Variants in ZFAND6 observed in about 807,000 individuals in gnomAD.
ZFAND6 encodes the protein AN1-type zinc finger protein 6.
A neutral mutation model predicts 24.5 loss-of-function variants in ZFAND6; 12 were observed. That is an observed-to-expected ratio of 0.49 (90% CI 0.31 to 0.79). ZFAND6 has a LOEUF of 0.79. Among genes scored for constraint, ZFAND6 ranks in the 30% least tolerant of loss-of-function variants. The probability of loss-of-function intolerance (pLI) is 0.04; values close to 1 mark genes in which losing one functional copy is unlikely to be tolerated. For synonymous variants in ZFAND6, 92 were observed against 81.5 expected, an observed-to-expected ratio of 1.13 and a Z score of -0.69; for missense variants, 207 against 245.9, an observed-to-expected ratio of 0.84 and a Z score of 1.06.
chr15:80,103,495 A>G (rs569829083), intron 2 of ZFAND6, among the ~76,000 whole-genome samples: 2 of 152,294 alleles, frequency 1.3e-5, no homozygotes, highest in South Asian at 4.1e-4. Flanking sequence ...AGCGGCCTAG[A>G]TATGCTCTGA....
intron 1 of ZFAND6, among the ~76,000 whole-genome samples, chr15:80,065,561 T>G (rs1249245803): frequency 1.1e-5 from 1 of 89,166 alleles, no homozygotes; most frequent in Non-Finnish European, 2.5e-5. Context: ...TTTTTTTTTT[T>G]TGGAGACAGA....
chr15:80,080,884 A>C (rs777927123), intron 1 of ZFAND6, among the ~76,000 whole-genome samples: 23 of 152,348 alleles, frequency 1.5e-4, no homozygotes, highest in South Asian at 4.1e-4. Flanking sequence ...TGTGAAAACT[A>C]TCTCAAGGAC....
intron 6 of ZFAND6, chr15:80,131,536 G>T (rs1026658311): frequency 6.9e-6 from 3 of 436,362 alleles, no homozygotes; most frequent in Admixed American, 3.8e-5. Flanking sequence ...GACAAATAAG[G>T]TTAGTGTGCC....
intron 1 of ZFAND6, among the ~76,000 whole-genome samples, chr15:80,077,402 A>C (rs2037346031): frequency 6.6e-6 from 1 of 152,224 alleles, no homozygotes; most frequent in South Asian, 2.1e-4. Context: ...TTTTCATTTA[A>C]AATATTTTCT....
intron 4 of ZFAND6, among the ~76,000 whole-genome samples, chr15:80,122,417 AG>A (rs1291434423): frequency 3.3e-5 from 5 of 152,006 alleles, no homozygotes; most frequent in African/African-American, 1.2e-4. Context: ...GGGTTCTTTA[AG>A]CATGTCTTTA....
chr15:80,104,612 G>A (rs1236298455), intron 2 of ZFAND6, among the ~76,000 whole-genome samples: 2 of 152,158 alleles, frequency 1.3e-5, no homozygotes, highest in African/African-American at 4.8e-5. Context: ...ATATCATTTT[G>A]TGTTTTACTT....
At chr15:80,123,025 T>A in intron 5 of ZFAND6, 1 of 435,648 alleles carries the variant, frequency 2.3e-6, no homozygotes, top group Non-Finnish European at 4.1e-6. Flanking sequence ...TCAAAATTTG[T>A]TTAGTTTGGA....
At chr15:80,087,139 T>C (rs2038054362) in intron 1 of ZFAND6, among the ~76,000 whole-genome samples, 1 of 152,248 alleles carries the variant, frequency 6.6e-6, no homozygotes. Flanking sequence ...TACAAGTGTG[T>C]GGCATATGTT....
intron 6 of ZFAND6, among the ~76,000 whole-genome samples, chr15:80,136,214 C>T (rs761397986): frequency 1.4e-4 from 22 of 151,946 alleles, no homozygotes; most frequent in Admixed American, 3.9e-4. Flanking sequence ...TGCCTGTAGT[C>T]CCAGCACTTC....
intron 1 of ZFAND6, among the ~76,000 whole-genome samples, chr15:80,080,279 G>A (rs2037581662): frequency 6.6e-6 from 1 of 152,134 alleles, no homozygotes; most frequent in South Asian, 2.1e-4. Context: ...TTACAGGCAT[G>A]AGCCACTGCA....
chr15:80,088,993 C>T (rs916493244), intron 1 of ZFAND6, among the ~76,000 whole-genome samples: 9 of 151,994 alleles, frequency 5.9e-5, no homozygotes, highest in Admixed American at 2.0e-4. Context: ...TTGCTTATCT[C>T]AGTATCCTCA....
intron 6 of ZFAND6, among the ~76,000 whole-genome samples, chr15:80,137,129 ACTGC>A (rs2040901030): frequency 6.6e-6 from 1 of 152,236 alleles, no homozygotes; most frequent in African/African-American, 2.4e-5. Context: ...AAATGCCAAG[ACTGC>A]CTTCTGACAG....
At chr15:80,132,740 C>G (rs1188385136) in intron 6 of ZFAND6, among the ~76,000 whole-genome samples, 1 of 152,020 alleles carries the variant, frequency 6.6e-6, no homozygotes, top group East Asian at 1.9e-4. Context: ...TACCATAAGA[C>G]TCGTATAAAG....
chr15:80,129,429 A>G (rs2040503274), intron 5 of ZFAND6, among the ~76,000 whole-genome samples: 1 of 152,244 alleles, frequency 6.6e-6, no homozygotes, highest in Non-Finnish European at 1.5e-5. Flanking sequence ...TAAGCAGGTT[A>G]GAATCACAGC....
rs185850420 is a variant in ZFAND6, at chr15:80,067,224, T to A, written c.-181+7415T>A. On this transcript the variant is annotated intron_variant, in intron 1 of 6. Transcript: ENST00000261749. ...CAAATGGTAGGGCTGCTTCCACCCCTCCTGCCTTCCTATGGAGTTTTGATT... is the reference window on the plus strand; with the variant it reads ...CAAATGGTAGGGCTGCTTCCACCCCACCTGCCTTCCTATGGAGTTTTGATT... Among the ~76,000 whole-genome samples the A allele has an allele frequency of 1.1e-3, 161 of 152,346 alleles. 1 individual carries two copies. The highest frequency in any genetic ancestry group is 3.8e-3 in the African/African-American group (159 of 41,592).
intron 2 of ZFAND6, among the ~76,000 whole-genome samples, chr15:80,106,958 A>G (rs2039360387): frequency 6.6e-6 from 1 of 152,222 alleles, no homozygotes; most frequent in Admixed American, 6.5e-5. Context: ...CACGCCTGTA[A>G]TCTCAGCACT....
chr15:80,117,627 A>G (rs951700294), intron 2 of ZFAND6, among the ~76,000 whole-genome samples: 3 of 152,218 alleles, frequency 2.0e-5, no homozygotes, highest in African/African-American at 7.2e-5. Context: ...ACAATTGCAC[A>G]GTGCTTTTTC....
At chr15:80,112,724 G>T in intron 2 of ZFAND6, 1 of 454,382 alleles carries the variant, frequency 2.2e-6, no homozygotes, top group South Asian at 1.6e-5. Context: ...CTGCAAAAAG[G>T]TTACTGCTGC....
In ZFAND6 at chr15:80,100,052, G is replaced by A. The variant is rs77190901; in HGVS notation, c.-18+1474G>A. 2.1e-4 allele frequency among the ~76,000 whole-genome samples: 32 copies of A among 152,328 alleles called. 1 individual carries two copies. The East Asian group carries it at 6.2e-3, about 29-fold the overall frequency. ...ATTATTTTCTTTTCTATATTGGTCA[G>A]TAGATACATAACACTGTGTAAATCT... On this transcript the variant is annotated intron_variant, in intron 2 of 6. Transcript: ENST00000261749.
Sources: allele counts gnomAD v4.1 joint callset (sites outside exome capture counted in the v4.1 genomes callset), GRCh38; gene constraint gnomAD v4.1.1; transcripts MANE v1.5; gene names NCBI Gene and HGNC (gene_info 2026-07-23, HGNC 2026-07-21).